Variants in GOLGA4 observed in about 807,000 individuals in gnomAD.
The protein encoded by GOLGA4 is golgin A4, also known as golgin subfamily A member 4.
Under a neutral mutation model 265.9 loss-of-function variants are expected in GOLGA4, and 169 were observed. The observed-to-expected ratio is 0.64, with a 90% CI of 0.56 to 0.72. The LOEUF is 0.72. GOLGA4 is among the 30% of genes least tolerant of loss of function. The pLI is 0.00. For synonymous variants in GOLGA4, 923 were observed against 855.8 expected, an observed-to-expected ratio of 1.08 and a Z score of -1.37; for missense variants, 2,482 against 2,483.4, an observed-to-expected ratio of 1.00 and a Z score of 0.01.
chr3:37,245,825 A>G (rs574539896), intron 1 of GOLGA4, among the ~76,000 whole-genome samples: 9 of 151,638 alleles, frequency 5.9e-5, no homozygotes, highest in Non-Finnish European at 1.2e-4. Flanking sequence ...CGGCCTCCCA[A>G]AATGCTGGGA....
rs1578644555 is a variant in GOLGA4, at chr3:37,313,681, T to C, written c.1235-1739T>C. Among the ~76,000 whole-genome samples, 3 of 152,332 alleles carry C rather than the reference T, an allele frequency of 2.0e-5. No homozygotes were observed. In the South Asian group the frequency reaches 6.2e-4, roughly 32 times the overall value. On this transcript the variant is annotated intron_variant, in intron 10 of 23. Coordinates refer to ENST00000361924, the MANE Select transcript of GOLGA4 (RefSeq NM_002078.5). ...TCATTATGCAAATAATGCATGTGTG[T>C]GTGTGCATGCATACATACATATACA...
At chr3:37,262,542 A>G (rs184246654) in intron 2 of GOLGA4, among the ~76,000 whole-genome samples, 1 of 152,098 alleles carries the variant, frequency 6.6e-6, no homozygotes. Context: ...AAAAAAATTG[A>G]TGTAAACATG....
At chr3:37,348,833 C>T (rs981251964) in intron 21 of GOLGA4, among the ~76,000 whole-genome samples, 1 of 152,122 alleles carries the variant, frequency 6.6e-6, no homozygotes, top group East Asian at 1.9e-4. Context: ...AGCTACGGAG[C>T]TTAACTACCC....
At chr3:37,354,990 G>A (rs116330941) in intron 21 of GOLGA4, 111 bp from the exon 22 acceptor site, 3 of 653,108 alleles carry the variant, frequency 4.6e-6, no homozygotes, top group East Asian at 5.3e-5. Context: ...TTCTTTGTTC[G>A]TGGCTTTCAT....
At chr3:37,258,210 C>CAT (rs1294124429) in intron 2 of GOLGA4, among the ~76,000 whole-genome samples, 2 of 141,090 alleles carry the variant, frequency 1.4e-5, no homozygotes, top group African/African-American at 2.6e-5. Context: ...ATATATATAG[C>CAT]ATATATATAT....
intron 16 of GOLGA4, among the ~76,000 whole-genome samples, chr3:37,333,305 A>G (rs1310337304): frequency 6.6e-6 from 1 of 152,192 alleles, no homozygotes; most frequent in Non-Finnish European, 1.5e-5. Context: ...AGTCTTCAAA[A>G]CATAACCTGT....
At chr3:37,247,728 C>T (rs1311654392) in intron 1 of GOLGA4, among the ~76,000 whole-genome samples, 1 of 152,212 alleles carries the variant, frequency 6.6e-6, no homozygotes, top group Non-Finnish European at 1.5e-5. Context: ...GCTTTCTCAT[C>T]TGGAGCTCAG....
At position 37,251,398 on chromosome 3, in the gene GOLGA4, T is replaced by C. The variant is rs769342504; in HGVS notation, c.76T>C (p.Ser26Pro). Reference sequence around the variant, plus strand: ...GTGCAATAATTTTTAAATCTAGGCGTCCTCCAATTCTTCAACACCAACAAG... The same window carrying C: ...GTGCAATAATTTTTAAATCTAGGCGCCCTCCAATTCTTCAACACCAACAAG... ...LQQALAPAQASSNSSTPTRMR... is the reference protein window; with the variant it reads ...LQQALAPAQAPSNSSTPTRMR... Residue 26 changes from serine (S) to proline (P), a missense_variant, in exon 2 of 24, where the codon TCC becomes CCC. By Grantham distance (74) the Ser-to-Pro change is moderately conservative. This residue lies in a region of GOLGA4 where 1,536 missense variants were observed against 1,483.7 expected (regional missense o/e 1.04). Coordinates refer to ENST00000361924, the MANE Select transcript of GOLGA4 (RefSeq NM_002078.5). The C allele has an allele frequency of 1.2e-6, 2 of 1,605,954 alleles. No homozygotes were observed. The highest frequency in any genetic ancestry group is 1.7e-6 in the Non-Finnish European group (2 of 1,172,608).
intron 4 of GOLGA4, among the ~76,000 whole-genome samples, chr3:37,289,032 A>C (rs142271904): frequency 4.6e-5 from 7 of 152,364 alleles, no homozygotes; most frequent in African/African-American, 1.4e-4. Context: ...AGGATGCAGA[A>C]CAGTTCTATA....
chr3:37,256,917 T>A (rs941361938), intron 2 of GOLGA4, among the ~76,000 whole-genome samples: 1 of 152,044 alleles, frequency 6.6e-6, no homozygotes, highest in Non-Finnish European at 1.5e-5. Flanking sequence ...TTTTTTTTTT[T>A]AATTGAGTTT....
chr3:37,325,385 G>A lies in GOLGA4; in HGVS notation c.3499G>A (p.Asp1167Asn). ...LVELKMLAEE[D>N]KRKVSELTSK... ...TGAACTGAAGATGCTGGCAGAAGAA[G>A]ATAAGCGGAAGGTTTCTGAGTTGAC... The change falls in exon 14 of 24, where the codon GAT becomes AAT. Residue 1167 changes from aspartate (D) to asparagine (N), a missense_variant. Around this residue, in one of 3 missense-constraint regions of GOLGA4, gnomAD observed 1,536 missense variants for 1,483.7 expected, o/e 1.04. Transcript: ENST00000361924. The A allele has an allele frequency of 1.2e-6, 2 of 1,613,012 alleles. No homozygotes were observed. Among genetic ancestry groups the A allele is most frequent in the Non-Finnish European group, 1.7e-6 (2 of 1,179,608 alleles).
chr3:37,294,542 G>A (rs1313920626), intron 5 of GOLGA4, among the ~76,000 whole-genome samples: 1 of 151,840 alleles, frequency 6.6e-6, no homozygotes, highest in Non-Finnish European at 1.5e-5. Context: ...CTGCCACCAC[G>A]CCTGGCTCAT....
rs148051474 is a variant in GOLGA4 at position 37,327,470 on chromosome 3, T to C, written c.5584T>C (p.Cys1862Arg). Reference protein sequence around the residue: ...LEQKIKELDSCLVRQKEVHRV... With the variant: ...LEQKIKELDSRLVRQKEVHRV... ...GCAAAAGATAAAAGAGCTGGATTCC[T>C]GCTTAGTAAGACAGAAAGAAGTACA... Residue 1862 changes from cysteine to arginine, a missense_variant, in exon 14 of 24, where the codon TGC becomes CGC. Transcript: ENST00000361924. The C allele has an allele frequency of 8.8e-5, 142 of 1,613,088 alleles. No individual in the cohort carries two copies. The African/African-American group carries it at 1.4e-3, about 16-fold the overall frequency.
chr3:37,262,069 A>G (rs1202444466), intron 2 of GOLGA4, among the ~76,000 whole-genome samples: 1 of 152,258 alleles, frequency 6.6e-6, no homozygotes, highest in Non-Finnish European at 1.5e-5. Flanking sequence ...AAGTAATACA[A>G]CAGTCTGGAA....
At position 37,326,876 on chromosome 3, in the gene GOLGA4, G is replaced by C. The variant is rs145804004; in HGVS notation, c.4990G>C (p.Glu1664Gln). Residue 1664 changes from glutamate to glutamine, a missense_variant, in exon 14 of 24, where the codon GAA becomes CAA. Around this residue, in one of 3 missense-constraint regions of GOLGA4, gnomAD observed 942 missense variants for 983.1 expected, o/e 0.96. Coordinates refer to ENST00000361924, the MANE Select transcript of GOLGA4 (RefSeq NM_002078.5). ...QLLSQMEEKE[E>Q]QYKKGTESHL... is the part of the protein sequence containing the mutation. ...GTTATCTCAAATGGAAGAGAAAGAA[G>C]AACAGTATAAAAAAGGTACAGAAAG... 5 of 1,613,378 alleles carry C rather than the reference G, an allele frequency of 3.1e-6. No individual in the cohort carries two copies. The African/African-American group carries it at 4.0e-5, about 13-fold the overall frequency.
At chr3:37,257,174 T>G (rs1225455855) in intron 2 of GOLGA4, among the ~76,000 whole-genome samples, 1 of 152,250 alleles carries the variant, frequency 6.6e-6, no homozygotes, top group African/African-American at 2.4e-5. Context: ...TCATTCGATA[T>G]GTTACCTTTT....
At position 37,262,223 on chromosome 3, in the gene GOLGA4, T is replaced by G. The variant is rs2096771534; in HGVS notation, c.162+10739T>G. 2.6e-5 allele frequency among the ~76,000 whole-genome samples: 4 copies of G among 151,998 alleles called. No homozygotes were observed. The South Asian group carries it at 8.3e-4, about 32-fold the overall frequency. On this transcript the variant is annotated intron_variant, in intron 2 of 23. Coordinates refer to ENST00000361924, the MANE Select transcript of GOLGA4 (RefSeq NM_002078.5). ...ATAACTAATTAGAAATCCTGGAAAT[T>G]GGCCGGGCGTGGTGGCTCACGCCTG...
Position 37,366,109 on chromosome 3 carries a change from A to AGTG in GOLGA4, c.*64_*66dup, listed in dbSNP as rs1195032966. The stretch of plus-strand genomic sequence containing the variant: ...GGCTCCGATCTTCATCTTGAAGAAG[A>AGTG]GTGACATTGGGTGACTGCTGCTTGG... On this transcript the variant is annotated 3_prime_UTR_variant, in exon 24 of 24. Coordinates refer to ENST00000361924, the MANE Select transcript of GOLGA4 (RefSeq NM_002078.5). 12 of 1,523,770 alleles carry AGTG rather than the reference A, an allele frequency of 7.9e-6. No homozygotes were observed. In the African/African-American group the frequency reaches 1.5e-4, roughly 19 times the overall value. The allele number at this position is 1,523,770 out of a possible 1,614,324, so 94.4% of individuals were successfully genotyped here. A position where few individuals can be genotyped will look rare whatever the true frequency, so the allele number is the denominator to read the frequency against.
In GOLGA4 at chr3:37,323,964, T is replaced by C; in HGVS notation, c.2078T>C (p.Leu693Pro). The C allele has an allele frequency of 6.2e-7, 1 of 1,613,292 alleles. No individual in the cohort carries two copies. The highest frequency in any genetic ancestry group is 8.5e-7 in the Non-Finnish European group (1 of 1,179,824). The change falls in exon 14 of 24, where the codon CTG (leucine) becomes CCG (proline). Residue 693 changes from leucine (L) to proline (P), a missense_variant. By Grantham distance (98) the Leu-to-Pro change is moderately conservative. Coordinates refer to ENST00000361924, the MANE Select transcript of GOLGA4 (RefSeq NM_002078.5). ...GAACTAGAATCATTATCTTCTGAAC[T>C]GTCAGAAGTATTAAAAGCCCGTCAC... The part of the protein sequence containing the change: ...QTELESLSSE[L>P]SEVLKARHKL...
Sources: gnomAD v4.1 joint callset for allele counts (sites outside exome capture counted in the v4.1 genomes callset) on GRCh38, gnomAD v4.1.1 for gene constraint, gnomAD v4.1.1 regional missense constraint, MANE v1.5 for transcripts, NCBI Gene and HGNC (gene_info 2026-07-23, HGNC 2026-07-21) for gene names.